Variants in GALNT10 observed in about 807,000 individuals in gnomAD.
GALNT10 encodes polypeptide N-acetylgalactosaminyltransferase 10, also known as GalNAc transferase 10.
A neutral mutation model predicts 75.0 loss-of-function variants in GALNT10; 41 were observed. That is an observed-to-expected ratio of 0.55 (90% CI 0.43 to 0.71). The LOEUF is 0.71. GALNT10 is among the 30% of genes least tolerant of loss of function. The pLI is 0.00. For missense variants in GALNT10, 727 were observed against 818.5 expected (o/e 0.89, Z 1.36); for synonymous variants, 302 against 313.0 (o/e 0.96, Z 0.37).
chr5:154,280,769 C>T (rs1009019330), intron 1 of GALNT10, among the ~76,000 whole-genome samples: 6 of 152,158 alleles, frequency 3.9e-5, no homozygotes, highest in African/African-American at 1.4e-4. Flanking sequence ...GGCTCTTACA[C>T]TTAGGTCTAT....
At chr5:154,276,971 G>A (rs1425625709) in intron 1 of GALNT10, among the ~76,000 whole-genome samples, 2 of 152,088 alleles carry the variant, frequency 1.3e-5, no homozygotes, top group Non-Finnish European at 2.9e-5. Flanking sequence ...AACACAGAAC[G>A]GAACTGAATC....
At chr5:154,285,500 T>C (rs1404323899) in intron 1 of GALNT10, among the ~76,000 whole-genome samples, 5 of 152,164 alleles carry the variant, frequency 3.3e-5, no homozygotes, top group Non-Finnish European at 7.4e-5. Flanking sequence ...TGTGGGACTA[T>C]TGATATCCAG....
At chr5:154,240,027 G>A (rs1223130929) in intron 1 of GALNT10, among the ~76,000 whole-genome samples, 1 of 152,194 alleles carries the variant, frequency 6.6e-6, no homozygotes, top group Non-Finnish European at 1.5e-5. Flanking sequence ...ACTCAGATCT[G>A]CCTGAATCCA....
At chr5:154,260,867 T>G (rs1222875046) in intron 1 of GALNT10, among the ~76,000 whole-genome samples, 4 of 152,206 alleles carry the variant, frequency 2.6e-5, no homozygotes, top group Non-Finnish European at 5.9e-5. Context: ...GAAGTCCATG[T>G]ATAAAATGGT....
chr5:154,273,488 T>G (rs1753901454), intron 1 of GALNT10, among the ~76,000 whole-genome samples: 1 of 152,098 alleles, frequency 6.6e-6, no homozygotes, highest in African/African-American at 2.4e-5. Flanking sequence ...CTTTTGCAAG[T>G]TATAAAAGGA....
chr5:154,206,681 A>G (rs1775116214), intron 1 of GALNT10, among the ~76,000 whole-genome samples: 1 of 152,232 alleles, frequency 6.6e-6, no homozygotes, highest in Non-Finnish European at 1.5e-5. Flanking sequence ...GGAAGCGGGG[A>G]GCCTCTTTCA....
intron 6 of GALNT10, among the ~76,000 whole-genome samples, chr5:154,383,629 C>A (rs913407651): frequency 6.6e-6 from 1 of 152,174 alleles, no homozygotes; most frequent in Non-Finnish European, 1.5e-5. Flanking sequence ...AGCCCCTCAG[C>A]CCCGGCCCCT....
At chr5:154,329,961 CA>C (rs4032071) in intron 4 of GALNT10, 2,575 of 127,006 alleles carry the variant, frequency 0.02, 10 homozygotes, top group East Asian at 0.037. Context: ...GTATTAACTG[CA>C]AAAAAAAAAA....
intron 1 of GALNT10, among the ~76,000 whole-genome samples, chr5:154,284,480 C>G (rs1327828126): frequency 6.6e-6 from 1 of 152,218 alleles, no homozygotes; most frequent in East Asian, 1.9e-4. Context: ...TTTTTAGTCT[C>G]TCTCTGAAAA....
At chr5:154,220,449 A>G (rs972936554) in intron 1 of GALNT10, 1 of 152,190 alleles carries the variant, frequency 6.6e-6, no homozygotes, top group Admixed American at 6.5e-5. Flanking sequence ...GGATCAGGAA[A>G]TTATGTCTCA....
chr5:154,406,036 CTTAA>C (rs1756274463), intron 8 of GALNT10: 2 of 151,974 alleles, frequency 1.3e-5, no homozygotes, highest in Admixed American at 1.3e-4. Context: ...ACTTATCTCA[CTTAA>C]TTCTCACTTG....
chr5:154,387,642 A>G (rs1314374634), intron 7 of GALNT10: 2 of 152,194 alleles, frequency 1.3e-5, no homozygotes. Context: ...TTCTACTTCC[A>G]TAAAGTGGGT....
intron 7 of GALNT10, among the ~76,000 whole-genome samples, chr5:154,397,126 C>CA (rs58303911): frequency 2.2e-3 from 281 of 126,142 alleles, no homozygotes; most frequent in South Asian, 3.9e-3. Context: ...GACTCCGTCT[C>CA]AAAAAAAAAA....
chr5:154,235,156 C>T (rs1045134566), intron 1 of GALNT10, among the ~76,000 whole-genome samples: 1 of 152,274 alleles, frequency 6.6e-6, no homozygotes, highest in Non-Finnish European at 1.5e-5. Flanking sequence ...CACTGGGCTG[C>T]GGTCCCTTCG....
At chr5:154,405,736 C>A (rs1269312035) in intron 8 of GALNT10, among the ~76,000 whole-genome samples, 3 of 152,080 alleles carry the variant, frequency 2.0e-5, no homozygotes, top group Admixed American at 2.0e-4. Flanking sequence ...GTCCCAACTA[C>A]TCAGGAAGCT....
chr5:154,245,595 A>T (rs999721980), intron 1 of GALNT10, among the ~76,000 whole-genome samples: 8 of 151,134 alleles, frequency 5.3e-5, no homozygotes, highest in Admixed American at 2.0e-4. Context: ...GAACACTTTT[A>T]TCACTTTGTG....
chr5:154,241,184 C>G (rs770071708), intron 1 of GALNT10, among the ~76,000 whole-genome samples: 1 of 152,102 alleles, frequency 6.6e-6, no homozygotes, highest in Admixed American at 6.5e-5. Context: ...TTAGACGAGG[C>G]CTTCTGGAGA....
At chr5:154,195,753 A>G (rs1246857116) in intron 1 of GALNT10, among the ~76,000 whole-genome samples, 1 of 152,130 alleles carries the variant, frequency 6.6e-6, no homozygotes, top group African/African-American at 2.4e-5. Context: ...TCCATATACT[A>G]ATATTTGATC....
chr5:154,386,744 T>C (rs1440139313), intron 7 of GALNT10: 1 of 536,208 alleles, frequency 1.9e-6, no homozygotes, highest in Admixed American at 3.8e-5. Context: ...AGGTCTGAGA[T>C]TGAGATGTCC....
Sources: gnomAD v4.1 joint callset for allele counts (sites outside exome capture counted in the v4.1 genomes callset) on GRCh38, gnomAD v4.1.1 for gene constraint, MANE v1.5 for transcripts, NCBI Gene and HGNC (gene_info 2026-07-23, HGNC 2026-07-21) for gene names.